Variants in ECT2 observed in about 807,000 individuals in gnomAD.
ECT2 encodes epithelial cell transforming 2, also known as protein ECT2.
In ECT2, 61 loss-of-function variants were observed where a neutral mutation model predicts 116.9. The observed-to-expected ratio is 0.52, with a 90% CI of 0.42 to 0.65. The LOEUF is 0.65. Among genes scored for constraint, ECT2 ranks in the 30% least tolerant of loss-of-function variants. ECT2 has a pLI of 0.00. For missense variants in ECT2, 937 were observed against 1,078.7 expected (o/e 0.87, Z 1.84); for synonymous variants, 358 against 346.4 (o/e 1.03, Z -0.37).
At chr3:172,767,680 T>C (rs1021033239) in intron 12 of ECT2, among the ~76,000 whole-genome samples, 26 of 152,094 alleles carry the variant, frequency 1.7e-4, no homozygotes, top group African/African-American at 6.0e-4. Context: ...TTTAAGCTTT[T>C]ATACATTAAA....
At chr3:172,786,456 A>AT in intron 17 of ECT2, 37 bp from the exon 18 acceptor site, 2 of 1,422,416 alleles carry the variant, frequency 1.4e-6, no homozygotes, top group Non-Finnish European at 2.0e-6. Flanking sequence ...AAATCACTGA[A>AT]TTTTTTATGC....
chr3:172,762,752 A>G lies in ECT2; in HGVS notation c.951A>G (p.Ile317Met), dbSNP rs778996603. Residue 317 changes from isoleucine to methionine, a missense_variant, in exon 10 of 25, where the codon ATA (isoleucine) becomes ATG (methionine). Physicochemically the swap from Ile to Met is conservative, Grantham distance 10. Transcript: ENST00000392692. ...RCTHLVVEEN[I>M]VKDLPFEPSK... ...CTCACCTTGTAGTTGAAGAGAATAT[A>G]GTAAAAGATCTTCCCTTTGAACCTT... 7.4e-6 allele frequency: 12 copies of G among 1,613,210 alleles called. No homozygotes were observed. The Admixed American group carries it at 1.5e-4, about 20-fold the overall frequency.
intron 22 of ECT2, among the ~76,000 whole-genome samples, chr3:172,811,028 T>C (rs375471813): frequency 1.3e-5 from 2 of 152,194 alleles, no homozygotes; most frequent in Admixed American, 6.5e-5. Flanking sequence ...AAGTATCTAT[T>C]AAAAATGTGT....
At chr3:172,815,358 T>C (rs943850279) in intron 22 of ECT2, among the ~76,000 whole-genome samples, 1 of 152,176 alleles carries the variant, frequency 6.6e-6, no homozygotes, top group African/African-American at 2.4e-5. Flanking sequence ...TGTTAGATTT[T>C]ATTTTGAGGT....
At position 172,782,181 on chromosome 3, in the gene ECT2, A is replaced by G. The variant is rs139406177; in HGVS notation, c.1567A>G (p.Ile523Val). ...ATTTCAGGATGATCTTGAAGACCTT[A>G]TAGTTAATTGGGATGAGAGCAAAAG... ...TKIKDDLEDLIVNWDESKSIG... is the reference protein window; with the variant it reads ...TKIKDDLEDLVVNWDESKSIG... The change falls in exon 15 of 25, where the codon ATA becomes GTA. Residue 523 changes from isoleucine (I) to valine (V), a missense_variant. Coordinates refer to ENST00000392692, the MANE Select transcript of ECT2 (RefSeq NM_001258315.2). 1.2e-5 allele frequency: 19 copies of G among 1,580,654 alleles called. No individual in the cohort carries two copies. The highest frequency in any genetic ancestry group is 1.7e-6 in the Non-Finnish European group (2 of 1,160,284).
At position 172,784,746 on chromosome 3, in the gene ECT2, G is replaced by C. The variant is rs758461325; in HGVS notation, c.1768G>C (p.Val590Leu). ...ACCAGAATGTGGACGGCAGAGCCTT[G>C]TTGAACTTCTTATCCGACCAGTACA... ...AKPECGRQSL[V>L]ELLIRPVQRL... The change falls in exon 17 of 25, where the codon GTT becomes CTT. Residue 590 changes from valine to leucine, a missense_variant. Physicochemically the swap from Val to Leu is conservative, Grantham distance 32. Transcript: ENST00000392692. The C allele has an allele frequency of 6.2e-7, 1 of 1,613,658 alleles. No individual in the cohort carries two copies. Among genetic ancestry groups the C allele is most frequent in the Non-Finnish European group, 8.5e-7 (1 of 1,179,608 alleles).
At chr3:172,756,328 A>G (rs1716980349) in intron 4 of ECT2, among the ~76,000 whole-genome samples, 1 of 152,170 alleles carries the variant, frequency 6.6e-6, no homozygotes, top group African/African-American at 2.4e-5. Context: ...ACGAGTTACA[A>G]GAGTTATATA....
chr3:172,779,540 T>C (rs1191824619), intron 14 of ECT2, among the ~76,000 whole-genome samples: 1 of 152,204 alleles, frequency 6.6e-6, no homozygotes, highest in Non-Finnish European at 1.5e-5. Flanking sequence ...TAAAATATTA[T>C]TTAACATGTA....
At chr3:172,760,042 G>T in intron 6 of ECT2, 114 bp from the exon 7 acceptor site, 2 of 551,964 alleles carry the variant, frequency 3.6e-6, no homozygotes, top group Non-Finnish European at 6.0e-6. Flanking sequence ...TAAAAATCCC[G>T]TATGTATTTT....
intron 22 of ECT2, among the ~76,000 whole-genome samples, chr3:172,808,643 CA>C (rs1728187307): frequency 6.6e-6 from 1 of 152,200 alleles, no homozygotes; most frequent in African/African-American, 2.4e-5. Flanking sequence ...ATGTGATAGA[CA>C]GATATAGACC....
chr3:172,787,034 A>C (rs1723722760), intron 18 of ECT2, among the ~76,000 whole-genome samples: 1 of 152,156 alleles, frequency 6.6e-6, no homozygotes, highest in Non-Finnish European at 1.5e-5. Context: ...AAATGTATTA[A>C]AAGTATAAAT....
chr3:172,828,711 C>A, the ECT2 span: 1 of 472,500 alleles, frequency 2.1e-6, no homozygotes, highest in Non-Finnish European at 3.9e-6. Flanking sequence ...CAGGGACGGA[C>A]AGGTGGCCCC....
At chr3:172,780,567 A>G (rs758341623) in intron 14 of ECT2, among the ~76,000 whole-genome samples, 1 of 152,072 alleles carries the variant, frequency 6.6e-6, no homozygotes, top group Non-Finnish European at 1.5e-5. Flanking sequence ...TTATTTAGAG[A>G]TGTGGTCATG....
chr3:172,765,473 T>C (rs1719189736), intron 12 of ECT2, among the ~76,000 whole-genome samples: 1 of 152,192 alleles, frequency 6.6e-6, no homozygotes, highest in Non-Finnish European at 1.5e-5. Flanking sequence ...TACTTCCTTG[T>C]CCATGTCTAA....
At chr3:172,786,637 T>C in intron 18 of ECT2, 63 bp downstream of exon 18, 1 of 1,124,280 alleles carries the variant, frequency 8.9e-7, no homozygotes, top group Non-Finnish European at 1.3e-6. Flanking sequence ...GATAGAAAAC[T>C]AGAATCATAA....
At chr3:172,763,010 T>C in intron 11 of ECT2, 38 bp downstream of exon 11, 3 of 1,596,880 alleles carry the variant, frequency 1.9e-6, no homozygotes, top group Non-Finnish European at 2.6e-6. Context: ...TTCTGTGAGC[T>C]TGATTGTTTG....
At position 172,757,833 on chromosome 3, in the gene ECT2, C is replaced by G. The variant is rs115568665; in HGVS notation, c.486+668C>G. On this transcript the variant is annotated intron_variant, in intron 5 of 24. Transcript: ENST00000392692. ...TCAACACAGAACAGATACCACGGTT[C>G]CATTTTTATCAGTTACTGTATAACT... Among the ~76,000 whole-genome samples, 1,110 of 152,118 alleles carry G rather than the reference C, an allele frequency of 7.3e-3. 14 individuals carry two copies. The highest frequency in any genetic ancestry group is 0.025 in the African/African-American group (1,037 of 41,478).
At chr3:172,786,410 T>G in intron 17 of ECT2, 83 bp from the exon 18 acceptor site, 1 of 788,814 alleles carries the variant, frequency 1.3e-6, no homozygotes. Flanking sequence ...AAAAATTAGC[T>G]GTATCAAGAT....
Position 172,816,845 on chromosome 3 carries a change from A to C in ECT2, c.2655+8A>C. 1 of 1,551,868 alleles carries C rather than the reference A, an allele frequency of 6.4e-7. No individual in the cohort carries two copies. Among genetic ancestry groups the C allele is most frequent in the Non-Finnish European group, 8.8e-7 (1 of 1,139,492 alleles). On this transcript the variant is annotated splice_region_variant and intron_variant, in intron 24 of 24. Coordinates refer to ENST00000392692, the MANE Select transcript of ECT2 (RefSeq NM_001258315.2). ...AGCACATCATCATTAGCAGTAAGTT[A>C]TTTTGATTTAATGGGGTAAATGACT...
Sources: gnomAD v4.1 joint callset for allele counts (sites outside exome capture counted in the v4.1 genomes callset) on GRCh38, gnomAD v4.1.1 for gene constraint, MANE v1.5 for transcripts, NCBI Gene and HGNC (gene_info 2026-07-23, HGNC 2026-07-21) for gene names.